PDE4B: variants seen among roughly 807,000 people sequenced by gnomAD.
PDE4B encodes the protein phosphodiesterase 4B, also known as 3',5'-cyclic-AMP phosphodiesterase 4B.
In PDE4B, 20 loss-of-function variants were observed where a neutral mutation model predicts 82.2. That is an observed-to-expected ratio of 0.24 (90% CI 0.17 to 0.35). The LOEUF is 0.35. PDE4B is among the 10% of genes least tolerant of loss of function. PDE4B has a pLI of 1.00. For missense variants in PDE4B, 655 were observed against 907.2 expected, an observed-to-expected ratio of 0.72 and a Z score of 3.57; for synonymous variants, 320 against 318.9, an observed-to-expected ratio of 1.00 and a Z score of -0.04.
intron 3 of PDE4B, among the ~76,000 whole-genome samples, chr1:66,073,751 C>T (rs1393977837): frequency 2.0e-5 from 3 of 152,142 alleles, no homozygotes; most frequent in Non-Finnish European, 2.9e-5. Flanking sequence ...GGAAATTCTT[C>T]TCTGGCACCC....
At chr1:66,063,456 A>G (rs1372549334) in intron 3 of PDE4B, among the ~76,000 whole-genome samples, 1 of 151,996 alleles carries the variant, frequency 6.6e-6, no homozygotes, top group Non-Finnish European at 1.5e-5. Flanking sequence ...GTTGGGAAAC[A>G]CTAGTCTTTT....
intron 3 of PDE4B, among the ~76,000 whole-genome samples, chr1:65,960,363 A>G (rs1569823564): frequency 6.6e-6 from 1 of 152,178 alleles, no homozygotes. Flanking sequence ...ATAGCATTCT[A>G]TATTAACTTT....
At chr1:66,130,882 A>C (rs774921596) in intron 3 of PDE4B, among the ~76,000 whole-genome samples, 3 of 152,186 alleles carry the variant, frequency 2.0e-5, no homozygotes, top group Non-Finnish European at 4.4e-5. Context: ...GTAGCACACA[A>C]ATCTTAAAGA....
intron 12 of PDE4B, among the ~76,000 whole-genome samples, chr1:66,365,028 T>TG (rs1341376327): frequency 1.3e-5 from 2 of 152,164 alleles, no homozygotes; most frequent in South Asian, 2.1e-4. Flanking sequence ...TCATTGTGCA[T>TG]GGGTGGGGGC....
At chr1:65,936,467 G>A (rs181740730) in intron 3 of PDE4B, among the ~76,000 whole-genome samples, 2 of 152,138 alleles carry the variant, frequency 1.3e-5, no homozygotes, top group South Asian at 2.1e-4. Context: ...GTCCATCTTT[G>A]ACCCAAATAT....
chr1:65,800,533 A>T (rs1310706352), intron 1 of PDE4B, among the ~76,000 whole-genome samples: 2 of 152,212 alleles, frequency 1.3e-5, no homozygotes, highest in Non-Finnish European at 2.9e-5. Context: ...TGGGTCAGTG[A>T]CATCCTGTGT....
chr1:66,139,941 A>G (rs767202905), intron 3 of PDE4B, among the ~76,000 whole-genome samples: 1 of 152,140 alleles, frequency 6.6e-6, no homozygotes, highest in Non-Finnish European at 1.5e-5. Flanking sequence ...TACTTAGTAA[A>G]TAGTAGCTGC....
At chr1:65,868,906 A>G (rs988871376) in intron 1 of PDE4B, among the ~76,000 whole-genome samples, 1 of 152,150 alleles carries the variant, frequency 6.6e-6, no homozygotes, top group Non-Finnish European at 1.5e-5. Context: ...GAACAGTTTC[A>G]TCCTGAAACC....
chr1:66,298,681 C>T (rs1461062957), intron 7 of PDE4B, among the ~76,000 whole-genome samples: 1 of 152,122 alleles, frequency 6.6e-6, no homozygotes, highest in Non-Finnish European at 1.5e-5. Flanking sequence ...TGTGGCAAGT[C>T]AGGTATGTGT....
intron 6 of PDE4B, among the ~76,000 whole-genome samples, chr1:66,261,313 G>A (rs1654662188): frequency 6.6e-6 from 1 of 152,054 alleles, no homozygotes; most frequent in Non-Finnish European, 1.5e-5. Flanking sequence ...ATAATGTTTG[G>A]CAGGAATGGA....
chr1:66,054,038 G>A lies in PDE4B; in HGVS notation c.281+135203G>A, dbSNP rs112510292. Among the ~76,000 whole-genome samples, 370 of 151,994 alleles carry A rather than the reference G, an allele frequency of 2.4e-3. 3 individuals carry two copies. The highest frequency in any genetic ancestry group is 8.4e-3 in the African/African-American group (348 of 41,446). On this transcript the variant is annotated intron_variant, in intron 3 of 16. Transcript: ENST00000341517. The stretch of plus-strand genomic sequence containing the variant: ...GCCTAAATCCAGGTTGTGTGCTCAA[G>A]GACCTACACTTTTAAGCACCTAGCT...
intron 7 of PDE4B, among the ~76,000 whole-genome samples, chr1:66,320,880 C>CATCTTTTAGGATGA (rs1659353358): frequency 6.6e-6 from 1 of 152,162 alleles, no homozygotes; most frequent in Non-Finnish European, 1.5e-5. Context: ...TGACACTAGG[C>CATCTTTTAGGATGA]TGCATCCTAA....
At chr1:65,828,462 T>G (rs1325118725) in intron 1 of PDE4B, among the ~76,000 whole-genome samples, 4 of 152,056 alleles carry the variant, frequency 2.6e-5, no homozygotes, top group Admixed American at 1.3e-4. Context: ...GCCAGGCTGG[T>G]CTTGAACTCC....
At chr1:66,249,595 A>C (rs1570554983) in intron 4 of PDE4B, among the ~76,000 whole-genome samples, 1 of 152,112 alleles carries the variant, frequency 6.6e-6, no homozygotes, top group South Asian at 2.1e-4. Flanking sequence ...TCTAAATGAC[A>C]CCGCATCCAG....
chr1:66,102,477 T>C (rs529218490), intron 3 of PDE4B, among the ~76,000 whole-genome samples: 2 of 152,142 alleles, frequency 1.3e-5, no homozygotes, highest in South Asian at 4.1e-4. Context: ...GTGAGCAGTA[T>C]TGTTGGTTTA....
At chr1:65,887,989 G>A (rs1465405436) in intron 1 of PDE4B, among the ~76,000 whole-genome samples, 5 of 152,000 alleles carry the variant, frequency 3.3e-5, no homozygotes, top group Middle Eastern at 3.2e-3. Context: ...TTTGTTGCCC[G>A]TGCTTTTGAG....
At chr1:66,272,165 C>T (rs910596442) in intron 7 of PDE4B, among the ~76,000 whole-genome samples, 55 of 152,316 alleles carry the variant, frequency 3.6e-4, no homozygotes, top group African/African-American at 1.2e-3. Context: ...AGCTCCCAGG[C>T]ATGGCAGGCA....
intron 7 of PDE4B, among the ~76,000 whole-genome samples, chr1:66,280,482 AT>A (rs1434005464): frequency 6.6e-6 from 1 of 152,266 alleles, no homozygotes; most frequent in Non-Finnish European, 1.5e-5. Context: ...GACCAGAAAT[AT>A]CTCAGGGGAG....
intron 3 of PDE4B, among the ~76,000 whole-genome samples, chr1:66,241,067 G>T (rs1652853854): frequency 6.6e-6 from 1 of 152,242 alleles, no homozygotes; most frequent in Non-Finnish European, 1.5e-5. Context: ...CCTGGAAGAA[G>T]AGAAAGCAAT....
Sources: allele counts gnomAD v4.1 joint callset (sites outside exome capture counted in the v4.1 genomes callset), GRCh38; gene constraint gnomAD v4.1.1; transcripts MANE v1.5; gene names NCBI Gene and HGNC (gene_info 2026-07-23, HGNC 2026-07-21).